Variants in RUBCNL observed in about 807,000 individuals in gnomAD.
RUBCNL encodes the protein rubicon like autophagy enhancer.
RUBCNL carries 62 observed loss-of-function variants against 69.5 expected under a neutral mutation model. The ratio of observed to expected loss-of-function variants is 0.89; its 90% confidence interval spans 0.73 to 1.10. RUBCNL has a LOEUF of 1.10. Ranked by LOEUF, RUBCNL falls within the 50% of genes least tolerant of loss-of-function variation. The pLI is 0.00. For missense variants in RUBCNL, 768 were observed against 798.1 expected (o/e 0.96, Z 0.45); for synonymous variants, 291 against 303.6 (o/e 0.96, Z 0.43).
chr13:46,361,623 T>C (rs1221071714), intron 7 of RUBCNL, 50 bp from the exon 8 acceptor site: 8 of 1,543,662 alleles, frequency 5.2e-6, no homozygotes, highest in Non-Finnish European at 6.1e-6. Flanking sequence ...ATGAGGAGTA[T>C]GTTCAGGGTC....
At chr13:46,374,828 G>A (rs964571586) in intron 2 of RUBCNL, among the ~76,000 whole-genome samples, 2 of 152,096 alleles carry the variant, frequency 1.3e-5, no homozygotes, top group African/African-American at 4.8e-5. Context: ...GAACCCTATA[G>A]GCTCCTTCTA....
At chr13:46,372,721 A>G (rs1445072186) in intron 2 of RUBCNL, 124 bp from the exon 3 acceptor site, 9 of 723,312 alleles carry the variant, frequency 1.2e-5, no homozygotes, top group Non-Finnish European at 1.8e-5. Flanking sequence ...CCAACATAGT[A>G]AAGCCCGCTT....
At position 46,349,348 on chromosome 13, in the gene RUBCNL, C is replaced by T. The variant is rs764979956; in HGVS notation, c.1570-1G>A. ...TATGGAAGAGCTGCTCCTGAATTTC[C>T]TAATGGGAGAAACCAAACACGGGGA... On this transcript the variant is annotated splice_acceptor_variant, in intron 11 of 14. Coordinates refer to ENST00000429979, the MANE Select transcript of RUBCNL (RefSeq NM_025113.5). LOFTEE classifies it high-confidence loss of function. The T allele has an allele frequency of 6.2e-7, 1 of 1,613,552 alleles. No individual in the cohort carries two copies. The highest frequency in any genetic ancestry group is 8.5e-7 in the Non-Finnish European group (1 of 1,179,588).
chr13:46,387,356 A>G (rs1363430433), upstream of RUBCNL: 2 of 985,158 alleles, frequency 2.0e-6, no homozygotes, highest in East Asian at 2.3e-4. Flanking sequence ...TCCTCAGGGA[A>G]GCAAAGCGCC....
At chr13:46,363,639 G>A (rs1435993395) in intron 5 of RUBCNL, among the ~76,000 whole-genome samples, 1 of 151,978 alleles carries the variant, frequency 6.6e-6, no homozygotes, top group Non-Finnish European at 1.5e-5. Flanking sequence ...AATCACTTGA[G>A]CCCAGGAGTT....
In RUBCNL at chr13:46,345,393, C is replaced by A; in HGVS notation, c.1785+54G>T. The A allele has an allele frequency of 2.0e-6, 3 of 1,536,688 alleles. No individual in the cohort carries two copies. The South Asian group carries it at 3.6e-5, about 19-fold the overall frequency. ...GTTAAATGAAGTCAAGTGCGGAACA[C>A]CCAGCACAGGCCCTGGTGCATCGGG... On this transcript the variant is annotated intron_variant, in intron 13 of 14. Transcript: ENST00000429979.
chr13:46,375,830 AC>A (rs1407003651), intron 2 of RUBCNL, among the ~76,000 whole-genome samples: 1 of 152,154 alleles, frequency 6.6e-6, no homozygotes, highest in African/African-American at 2.4e-5. Context: ...CACACAGTTG[AC>A]CCTTGAACAA....
At chr13:46,349,678 A>ATT (rs775859134) in intron 11 of RUBCNL, among the ~76,000 whole-genome samples, 5 of 141,872 alleles carry the variant, frequency 3.5e-5, no homozygotes, top group African/African-American at 5.1e-5. Flanking sequence ...AGCTTCACTA[A>ATT]TTTTTTTTTT....
intron 3 of RUBCNL, among the ~76,000 whole-genome samples, chr13:46,370,452 A>G (rs2048853684): frequency 6.6e-6 from 1 of 152,226 alleles, no homozygotes; most frequent in Non-Finnish European, 1.5e-5. Context: ...TGTTTTCCCT[A>G]TTGCTGCCTC....
At chr13:46,375,338 G>A (rs2048967103) in intron 2 of RUBCNL, among the ~76,000 whole-genome samples, 1 of 152,156 alleles carries the variant, frequency 6.6e-6, no homozygotes. Context: ...TTCGAGACCA[G>A]CCTGACCAAC....
chr13:46,377,654 A>G (rs1461440170), intron 2 of RUBCNL, among the ~76,000 whole-genome samples: 1 of 152,262 alleles, frequency 6.6e-6, no homozygotes, highest in Non-Finnish European at 1.5e-5. Flanking sequence ...GACCTAAGTG[A>G]ATTGAGCAAA....
rs2048140811 is a variant in RUBCNL at position 46,341,364 on chromosome 13, G to A, written c.*2021C>T. 6.6e-6 allele frequency among the ~76,000 whole-genome samples: 1 copy of A among 152,168 alleles called. No homozygotes were observed. The highest frequency in any genetic ancestry group is 1.5e-5 in the Non-Finnish European group (1 of 68,026). Reference sequence around the variant, plus strand: ...CCACAACTAATTACTTCCTTATGGGGTGCTCCATGTGGGCTGAAGATCACT... The same window carrying A: ...CCACAACTAATTACTTCCTTATGGGATGCTCCATGTGGGCTGAAGATCACT... On this transcript the variant is annotated 3_prime_UTR_variant, in exon 15 of 15. Coordinates refer to ENST00000429979, the MANE Select transcript of RUBCNL (RefSeq NM_025113.5).
At position 46,383,699 on chromosome 13, in the gene RUBCNL, AT is replaced by A. The variant is rs1262119479; in HGVS notation, c.-239+3434del. On this transcript the variant is annotated intron_variant, in intron 1 of 14. Transcript: ENST00000429979. ...GGTGAAGACTATTAAAGCTATCTTG[AT>A]TAAGAAACAGTCAGTATATGAGCCA... Among the ~76,000 whole-genome samples, 3 of 152,244 alleles carry A rather than the reference AT, an allele frequency of 2.0e-5. No homozygotes were observed. In the South Asian group the frequency reaches 6.2e-4, roughly 31 times the overall value.
intron 5 of RUBCNL, among the ~76,000 whole-genome samples, chr13:46,366,541 A>G (rs1031830093): frequency 6.6e-6 from 1 of 152,260 alleles, no homozygotes; most frequent in Non-Finnish European, 1.5e-5. Flanking sequence ...ATATCTTAAG[A>G]CAAAACAACC....
In RUBCNL at chr13:46,340,281, C is replaced by A. The variant is rs1020831181; in HGVS notation, c.*3104G>T. Among the ~76,000 whole-genome samples the A allele has an allele frequency of 1.3e-5, 2 of 152,130 alleles. No homozygotes were observed. Among genetic ancestry groups the A allele is most frequent in the Admixed American group, 1.3e-4 (2 of 15,270 alleles). On this transcript the variant is annotated 3_prime_UTR_variant, in exon 15 of 15. Transcript: ENST00000429979. ...ATTCTTTCATGGGACACAATTCAAC[C>A]CACAACAGTAGCTATTGTTCTAATC...
rs976270110 is a variant in RUBCNL, at chr13:46,339,122, C to T, written c.*4263G>A. On this transcript the variant is annotated 3_prime_UTR_variant, in exon 15 of 15. Transcript: ENST00000429979. ...GTGGTTAAGCTCTTCAATCCTCAGT[C>T]CCCTTGGCTTGGAGAGCTGCCCAGA... Among the ~76,000 whole-genome samples the T allele has an allele frequency of 6.6e-6, 1 of 151,992 alleles. No homozygotes were observed. The highest frequency in any genetic ancestry group is 1.5e-5 in the Non-Finnish European group (1 of 68,012).
chr13:46,349,470 A>C, intron 11 of RUBCNL, 123 bp from the exon 12 acceptor site: 2 of 895,238 alleles, frequency 2.2e-6, no homozygotes, highest in Non-Finnish European at 3.6e-6. Context: ...ACAAACCTTG[A>C]AAGCAAACCG....
At chr13:46,388,592 C>G (rs187522821), upstream of RUBCNL, among the ~76,000 whole-genome samples, 321 of 152,320 alleles carry the variant, frequency 2.1e-3, 1 homozygote, top group Non-Finnish European at 3.3e-3. Flanking sequence ...AAGCTAAGCT[C>G]TCTCTCGCGG....
In RUBCNL at chr13:46,336,401, C is replaced by A. The variant is rs958096068; in HGVS notation, c.*6984G>T. 6.6e-6 allele frequency among the ~76,000 whole-genome samples: 1 copy of A among 151,982 alleles called. No homozygotes were observed. The highest frequency in any genetic ancestry group is 2.1e-4 in the South Asian group (1 of 4,806). Reference sequence around the variant, plus strand: ...ATCTCATTTATCATCTGTAATTTGTCATTAGTTTAAATGATCTATCATTTA... The same window carrying A: ...ATCTCATTTATCATCTGTAATTTGTAATTAGTTTAAATGATCTATCATTTA... On this transcript the variant is annotated 3_prime_UTR_variant, in exon 15 of 15. Coordinates refer to ENST00000429979, the MANE Select transcript of RUBCNL (RefSeq NM_025113.5).
Sources: gnomAD v4.1 joint callset for allele counts (sites outside exome capture counted in the v4.1 genomes callset) on GRCh38, gnomAD v4.1.1 for gene constraint, MANE v1.5 for transcripts, NCBI Gene and HGNC (gene_info 2026-07-23, HGNC 2026-07-21) for gene names.